The following HIBADH variants were observed in gnomAD, a reference collection of about 807,000 sequenced individuals.
The protein encoded by HIBADH is 3-hydroxyisobutyrate dehydrogenase, mitochondrial.
In HIBADH, 25 loss-of-function variants were observed where a neutral mutation model predicts 36.1. The observed-to-expected ratio is 0.69, with a 90% CI of 0.50 to 0.97. The LOEUF (loss-of-function observed/expected upper bound fraction) is 0.97. Ranked by LOEUF, HIBADH falls within the 50% of genes least tolerant of loss-of-function variation. HIBADH has a pLI of 0.00. For synonymous variants in HIBADH, 160 were observed against 149.5 expected (o/e 1.07, Z -0.51); for missense variants, 421 against 418.0 (o/e 1.01, Z -0.06).
intron 4 of HIBADH, among the ~76,000 whole-genome samples, chr7:27,565,162 C>T (rs567547766): frequency 5.1e-4 from 78 of 152,292 alleles, no homozygotes; most frequent in African/African-American, 1.7e-3. Context: ...GTACCAGACA[C>T]TTAGAGATAG....
intron 4 of HIBADH, among the ~76,000 whole-genome samples, chr7:27,613,090 A>G: frequency 8.0e-6 from 1 of 125,520 alleles, no homozygotes; most frequent in South Asian, 2.2e-4. Context: ...AAAATTATAT[A>G]AATTATAATT....
chr7:27,545,848 G>A (rs1784229456), intron 4 of HIBADH, among the ~76,000 whole-genome samples: 1 of 152,174 alleles, frequency 6.6e-6, no homozygotes, highest in South Asian at 2.1e-4. Flanking sequence ...CAGCACTGAG[G>A]TCATGGCTTG....
At chr7:27,575,826 C>G (rs1056608778) in intron 4 of HIBADH, among the ~76,000 whole-genome samples, 5 of 152,188 alleles carry the variant, frequency 3.3e-5, no homozygotes, top group Admixed American at 2.0e-4. Context: ...CGGAAATCTG[C>G]TTTTTCCTGA....
Position 27,528,076 on chromosome 7 carries a change from T to C in HIBADH, c.853-1704A>G, listed in dbSNP as rs1036514648. 2.0e-5 allele frequency among the ~76,000 whole-genome samples: 3 copies of C among 151,916 alleles called. No individual in the cohort carries two copies. In the East Asian group the frequency reaches 5.8e-4, roughly 29 times the overall value. The stretch of plus-strand genomic sequence containing the variant: ...CTGTGCCCAGCCGATCAGTGATCTT[T>C]GATGTTACTATTGAAACTGTTTTGG... On this transcript the variant is annotated intron_variant, in intron 7 of 7. Coordinates refer to ENST00000265395, the MANE Select transcript of HIBADH (RefSeq NM_152740.4).
At chr7:27,569,158 T>A (rs1422095979) in intron 4 of HIBADH, among the ~76,000 whole-genome samples, 4 of 152,222 alleles carry the variant, frequency 2.6e-5, no homozygotes, top group Non-Finnish European at 5.9e-5. Flanking sequence ...TTCAAATTTC[T>A]AATTATTGTA....
chr7:27,580,609 C>CT (rs1162955421), intron 4 of HIBADH, among the ~76,000 whole-genome samples: 1 of 152,074 alleles, frequency 6.6e-6, no homozygotes, highest in African/African-American at 2.4e-5. Context: ...CAATTTATAT[C>CT]TTTTTTACCA....
At chr7:27,595,582 GT>G (rs1214706919) in intron 4 of HIBADH, among the ~76,000 whole-genome samples, 11 of 10,512 alleles carry the variant, frequency 1.0e-3, no homozygotes, top group South Asian at 3.7e-3. Context: ...AAGGGCAGGT[GT>G]GTGTGTGTGT....
intron 4 of HIBADH, among the ~76,000 whole-genome samples, chr7:27,593,798 A>G (rs1234926801): frequency 6.6e-6 from 1 of 152,102 alleles, no homozygotes; most frequent in African/African-American, 2.4e-5. Flanking sequence ...AACTAGTAGA[A>G]TAAGAGAATT....
chr7:27,618,401 C>A (rs943002887), intron 4 of HIBADH, among the ~76,000 whole-genome samples: 10 of 152,206 alleles, frequency 6.6e-5, no homozygotes, highest in Non-Finnish European at 8.8e-5. Context: ...GGGGGTGACC[C>A]TGTATTGCAG....
chr7:27,647,630 AG>A (rs1342428021), intron 2 of HIBADH: 1 of 265,228 alleles, frequency 3.8e-6, no homozygotes, highest in Non-Finnish European at 8.4e-6. Flanking sequence ...TCCTTCATGC[AG>A]GGATAAGCCT....
chr7:27,627,949 T>C (rs913986372), intron 4 of HIBADH, among the ~76,000 whole-genome samples: 3 of 152,172 alleles, frequency 2.0e-5, no homozygotes, highest in Non-Finnish European at 2.9e-5. Context: ...CAAATTGGTA[T>C]TTTTTATTAT....
chr7:27,527,917 C>CTTTT lies in HIBADH; in HGVS notation c.853-1546_853-1545insAAAA, dbSNP rs1562609863. Among the ~76,000 whole-genome samples, 474 of 77,026 alleles carry CTTTT rather than the reference C, an allele frequency of 6.2e-3. 162 individuals are homozygous for CTTTT. Among genetic ancestry groups the CTTTT allele is most frequent in the African/African-American group, 0.025 (450 of 18,306 alleles). 50.5% of individuals were successfully genotyped at this position (77,026 alleles called of 152,430 possible). A position where few individuals can be genotyped will look rare whatever the true frequency, so the allele number is the denominator to read the frequency against. ...AGGCATTTGCCACCACCACACCCAGCGTTTTTTTTTTTTTTTTTTTTTTTT... is the reference window on the plus strand; with the variant it reads ...AGGCATTTGCCACCACCACACCCAGCTTTTGTTTTTTTTTTTTTTTTTTTTTTTT... On this transcript the variant is annotated intron_variant, in intron 7 of 7. Coordinates refer to ENST00000265395, the MANE Select transcript of HIBADH (RefSeq NM_152740.4).
chr7:27,538,239 A>C, intron 6 of HIBADH, 102 bp downstream of exon 6: 1 of 879,172 alleles, frequency 1.1e-6, no homozygotes, highest in Non-Finnish European at 1.8e-6. Flanking sequence ...ATGTTCTTGG[A>C]TCAACTCATT....
At chr7:27,574,837 TATGTACATACAAAATGAAC>T (rs1368182073) in intron 4 of HIBADH, among the ~76,000 whole-genome samples, 1 of 152,218 alleles carries the variant, frequency 6.6e-6, no homozygotes, top group Non-Finnish European at 1.5e-5. Flanking sequence ...AAAATAGAGC[TATGTACATACAAAATGAAC>T]ATACCATTTT....
chr7:27,648,457 C>T (rs1479151366), intron 2 of HIBADH, among the ~76,000 whole-genome samples: 2 of 152,124 alleles, frequency 1.3e-5, no homozygotes, highest in Non-Finnish European at 2.9e-5. Context: ...TTCTAAGTTA[C>T]CTAAAGCTGT....
chr7:27,645,135 A>T (rs1786039442), intron 2 of HIBADH, among the ~76,000 whole-genome samples: 1 of 152,002 alleles, frequency 6.6e-6, no homozygotes, highest in Non-Finnish European at 1.5e-5. Flanking sequence ...TTCCGTGTGG[A>T]TACAAATTTT....
chr7:27,528,195 T>C (rs924467969), intron 7 of HIBADH, among the ~76,000 whole-genome samples: 4 of 152,076 alleles, frequency 2.6e-5, no homozygotes, highest in African/African-American at 9.7e-5. Context: ...CAGCTCTCTC[T>C]CTCTTACCCC....
intron 4 of HIBADH, among the ~76,000 whole-genome samples, chr7:27,594,477 C>T (rs1784998071): frequency 6.6e-6 from 1 of 151,976 alleles, no homozygotes; most frequent in Non-Finnish European, 1.5e-5. Context: ...AAGAGACACA[C>T]AAAAAGAAAT....
chr7:27,535,727 T>C (rs1784061953), intron 6 of HIBADH, among the ~76,000 whole-genome samples: 1 of 151,992 alleles, frequency 6.6e-6, no homozygotes, highest in Non-Finnish European at 1.5e-5. Context: ...TCTCAAAATA[T>C]ATTGTATACC....
Sources: allele counts gnomAD v4.1 joint callset (sites outside exome capture counted in the v4.1 genomes callset), GRCh38; gene constraint gnomAD v4.1.1; transcripts MANE v1.5; gene names NCBI Gene and HGNC (gene_info 2026-07-23, HGNC 2026-07-21).